Variants in CROT observed in about 807,000 individuals in gnomAD.
The protein encoded by CROT is peroxisomal carnitine O-octanoyltransferase.
A neutral mutation model predicts 89.2 loss-of-function variants in CROT; 84 were observed. The observed-to-expected ratio is 0.94, with a 90% CI of 0.79 to 1.13. CROT has a LOEUF of 1.13. CROT is among the 50% of genes most tolerant of loss of function. The probability of loss-of-function intolerance (pLI) is 0.00; values close to 1 mark genes in which losing one functional copy is unlikely to be tolerated. For synonymous variants in CROT, 212 were observed against 239.5 expected, an observed-to-expected ratio of 0.89 and a Z score of 1.06; for missense variants, 711 against 727.8, an observed-to-expected ratio of 0.98 and a Z score of 0.27.
chr7:87,392,735 GA>G lies in CROT; in HGVS notation c.1511del (p.Asp504ValfsTer5), dbSNP rs1162366571. 3 of 1,613,244 alleles carry G rather than the reference GA, an allele frequency of 1.9e-6. No homozygotes were observed. Among genetic ancestry groups the G allele is most frequent in the African/African-American group, 2.7e-5 (2 of 74,870 alleles). Reference protein sequence around the residue: ...MKDCSAGKGFDRHLLGLLLIA... With the variant: ...MKDCSAGKGFXRHLLGLLLIA... ...GATTTGGGGTTTCATTGCAGGATTT[GA>G]TCGTCACCTTTTAGGTCTCTTACTC... On this transcript the variant is annotated frameshift_variant, in exon 16 of 18. Coordinates refer to ENST00000331536, the MANE Select transcript of CROT (RefSeq NM_021151.4). LOFTEE classifies it high-confidence loss of function.
chr7:87,369,280 C>T, intron 6 of CROT, 96 bp from the exon 7 acceptor site: 1 of 705,466 alleles, frequency 1.4e-6, no homozygotes. Flanking sequence ...AAATAAAATA[C>T]TGGAAGAATG....
intron 3 of CROT, among the ~76,000 whole-genome samples, chr7:87,354,233 CAACCAAAAA>C (rs1388159859): frequency 2.6e-5 from 4 of 152,104 alleles, no homozygotes; most frequent in Middle Eastern, 3.2e-3. Context: ...TTAGTTTTGG[CAACCAAAAA>C]AACCTAATAA....
chr7:87,372,600 T>A (rs971380672), intron 7 of CROT, among the ~76,000 whole-genome samples: 1 of 152,190 alleles, frequency 6.6e-6, no homozygotes, highest in Non-Finnish European at 1.5e-5. Flanking sequence ...TTTCTGTTTT[T>A]GCCTTAAAAA....
chr7:87,362,896 C>T (rs1451596995), intron 6 of CROT, among the ~76,000 whole-genome samples: 1 of 152,128 alleles, frequency 6.6e-6, no homozygotes, highest in African/African-American at 2.4e-5. Context: ...AACTTCTTTA[C>T]ATGCTTGAGA....
intron 3 of CROT, among the ~76,000 whole-genome samples, chr7:87,351,180 G>T (rs1178305009): frequency 1.3e-5 from 2 of 151,636 alleles, no homozygotes; most frequent in African/African-American, 4.8e-5. Context: ...GTGGTGGCGG[G>T]CCCTTGTAGT....
chr7:87,364,372 C>T, intron 6 of CROT, among the ~76,000 whole-genome samples: 1 of 152,106 alleles, frequency 6.6e-6, no homozygotes, highest in Non-Finnish European at 1.5e-5. Context: ...AAAACAAGGA[C>T]AGTGGTCTCC....
chr7:87,389,541 C>A lies in CROT; in HGVS notation c.1302-2048C>A, dbSNP rs535497052. Among the ~76,000 whole-genome samples, 6 of 151,948 alleles carry A rather than the reference C, an allele frequency of 3.9e-5. No individual in the cohort carries two copies. In the South Asian group the frequency reaches 1.2e-3, roughly 31 times the overall value. On this transcript the variant is annotated intron_variant, in intron 13 of 17. Coordinates refer to ENST00000331536, the MANE Select transcript of CROT (RefSeq NM_021151.4). ...CACAGGAACAGAAAACCAAACACCACATGTTCTCACTCATAAGTGGGAGTT... is the reference window on the plus strand; with the variant it reads ...CACAGGAACAGAAAACCAAACACCAAATGTTCTCACTCATAAGTGGGAGTT...
At chr7:87,379,735 A>AT (rs1806931291) in intron 10 of CROT, among the ~76,000 whole-genome samples, 1 of 152,208 alleles carries the variant, frequency 6.6e-6, no homozygotes, top group Non-Finnish European at 1.5e-5. Flanking sequence ...GATAATTTGC[A>AT]TTAAATTCCA....
chr7:87,375,380 G>A, intron 7 of CROT: 1 of 407,368 alleles, frequency 2.5e-6, no homozygotes, highest in Non-Finnish European at 4.4e-6. Context: ...GTATATATCA[G>A]CGAAACTAAA....
intron 13 of CROT, among the ~76,000 whole-genome samples, chr7:87,386,776 G>T (rs954254464): frequency 6.6e-6 from 1 of 152,124 alleles, no homozygotes; most frequent in Non-Finnish European, 1.5e-5. Flanking sequence ...TTGATTTGGT[G>T]TCTTTTTTGG....
chr7:87,384,730 C>T (rs1254781905), intron 13 of CROT, among the ~76,000 whole-genome samples: 3 of 152,200 alleles, frequency 2.0e-5, no homozygotes, highest in Admixed American at 6.5e-5. Flanking sequence ...TGATCCCATT[C>T]GTCCATTTCT....
Position 87,375,625 on chromosome 7 carries a change from C to G in CROT, c.657-7C>G. 1.2e-6 allele frequency: 2 copies of G among 1,605,102 alleles called. No homozygotes were observed. Among genetic ancestry groups the G allele is most frequent in the Non-Finnish European group, 1.7e-6 (2 of 1,172,484 alleles). On this transcript the variant is annotated splice_region_variant and splice_polypyrimidine_tract_variant and intron_variant, in intron 7 of 17. Transcript: ENST00000331536. Reference sequence around the variant, plus strand: ...TCTTTTTTAATCTTCTTTTCATCTTCCATAAGACAACTGACATATATCCAC... The same window carrying G: ...TCTTTTTTAATCTTCTTTTCATCTTGCATAAGACAACTGACATATATCCAC...
At chr7:87,350,978 G>A (rs1425954332) in intron 3 of CROT, among the ~76,000 whole-genome samples, 1 of 152,032 alleles carries the variant, frequency 6.6e-6, no homozygotes, top group African/African-American at 2.4e-5. Flanking sequence ...GTAGAGGAAG[G>A]GAAGGATAGT....
At chr7:87,394,235 A>G (rs1403743141) in intron 17 of CROT, among the ~76,000 whole-genome samples, 2 of 152,228 alleles carry the variant, frequency 1.3e-5, no homozygotes, top group Non-Finnish European at 2.9e-5. Flanking sequence ...AAAGAGTTGC[A>G]AGTATCTCCT....
intron 1 of CROT, 72 bp downstream of exon 1, chr7:87,345,839 G>C (rs918490307): frequency 1.6e-5 from 3 of 184,036 alleles, no homozygotes; most frequent in African/African-American, 4.7e-5. Context: ...AAGTCGTGCA[G>C]AACCGCAAAG....
At chr7:87,366,180 A>T (rs1806441153) in intron 6 of CROT, among the ~76,000 whole-genome samples, 1 of 152,068 alleles carries the variant, frequency 6.6e-6, no homozygotes, top group Admixed American at 6.6e-5. Context: ...TCTCTAAAAG[A>T]TGTTACTAAA....
intron 13 of CROT, among the ~76,000 whole-genome samples, chr7:87,387,879 G>A (rs941218325): frequency 6.6e-6 from 1 of 152,236 alleles, no homozygotes; most frequent in Admixed American, 6.5e-5. Flanking sequence ...TTGCACCCAG[G>A]AGGTAGAGGT....
At chr7:87,396,671 A>G (rs954231702) in intron 17 of CROT, among the ~76,000 whole-genome samples, 16 of 145,564 alleles carry the variant, frequency 1.1e-4, no homozygotes, top group Middle Eastern at 3.2e-3. Context: ...TGCATTTTAA[A>G]TGTATTACAT....
intron 7 of CROT, among the ~76,000 whole-genome samples, chr7:87,372,741 A>C (rs1039915798): frequency 7.9e-5 from 12 of 152,138 alleles, no homozygotes; most frequent in Non-Finnish European, 1.6e-4. Flanking sequence ...TTCACTTAGC[A>C]TAATGTTTTC....
Sources: allele counts gnomAD v4.1 joint callset (sites outside exome capture counted in the v4.1 genomes callset), GRCh38; gene constraint gnomAD v4.1.1; transcripts MANE v1.5; gene names NCBI Gene and HGNC (gene_info 2026-07-23, HGNC 2026-07-21).